PCDHGB2: variants seen among roughly 807,000 people sequenced by gnomAD.
The protein encoded by PCDHGB2 is protocadherin gamma-B2.
A neutral mutation model predicts 59.3 loss-of-function variants in PCDHGB2; 55 were observed. The ratio of observed to expected loss-of-function variants is 0.93; its 90% CI spans 0.75 to 1.16. PCDHGB2 has a LOEUF of 1.16. Ranked by LOEUF, PCDHGB2 falls within the 50% of genes most tolerant of loss-of-function variation. The probability of loss-of-function intolerance (pLI) is 0.00; values close to 1 mark genes in which losing one functional copy is unlikely to be tolerated. For missense variants in PCDHGB2, 1,228 were observed against 1,198.5 expected, an observed-to-expected ratio of 1.02 and a Z score of -0.36; for synonymous variants, 516 against 512.0, an observed-to-expected ratio of 1.01 and a Z score of -0.11.
intron 1 of PCDHGB2, chr5:141,427,842 C>T: frequency 6.5e-7 from 1 of 1,549,268 alleles, no homozygotes. Flanking sequence ...TGCCTTCGAC[C>T]ACGAGCAGCT....
chr5:141,366,885 T>TA (rs1382759169), intron 1 of PCDHGB2: 4 of 1,309,886 alleles, frequency 3.1e-6, no homozygotes, highest in Admixed American at 2.5e-5. Flanking sequence ...TTAATTTTTT[T>TA]TATATAATTC....
At chr5:141,374,071 T>C (rs1443520558) in intron 1 of PCDHGB2, 3 of 1,507,898 alleles carry the variant, frequency 2.0e-6, no homozygotes, top group Non-Finnish European at 2.7e-6. Flanking sequence ...GAGAAGTTCC[T>C]AATAAGCCAG....
chr5:141,438,599 T>C (rs1320902737), intron 1 of PCDHGB2, among the ~76,000 whole-genome samples: 17 of 32,510 alleles, frequency 5.2e-4, no homozygotes, highest in African/African-American at 6.7e-4. Flanking sequence ...TACATATATA[T>C]ATATATATAT....
At chr5:141,420,334 T>A in intron 1 of PCDHGB2, 1 of 1,402,910 alleles carries the variant, frequency 7.1e-7, no homozygotes, top group Non-Finnish European at 9.5e-7. Context: ...TATATTCCAA[T>A]ATAGTGGTAT....
chr5:141,384,812 T>C, intron 1 of PCDHGB2: 1 of 1,613,428 alleles, frequency 6.2e-7, no homozygotes, highest in African/African-American at 1.3e-5. Context: ...AGAGATGCCC[T>C]CAAGCAGAGC....
chr5:141,384,013 C>T, intron 1 of PCDHGB2: 1 of 1,613,758 alleles, frequency 6.2e-7, no homozygotes, highest in Non-Finnish European at 8.5e-7. Context: ...TTTCTACCTA[C>T]AAGACAGAGA....
Position 141,486,697 on chromosome 5 carries a change from C to G in PCDHGB2, c.2422-8110C>G. 1 of 1,614,176 alleles carries G rather than the reference C, an allele frequency of 6.2e-7. No individual in the cohort carries two copies. The highest frequency in any genetic ancestry group is 8.5e-7 in the Non-Finnish European group (1 of 1,180,032). ...GAGATGTATCAGCTTCCTCTTTCATCTCTCTGAACCCCCAGACAGGAGCTG... is the reference window on the plus strand; with the variant it reads ...GAGATGTATCAGCTTCCTCTTTCATGTCTCTGAACCCCCAGACAGGAGCTG... On this transcript the variant is annotated intron_variant, in intron 1 of 3. Coordinates refer to ENST00000522605, the MANE Select transcript of PCDHGB2 (RefSeq NM_018923.3). The surrounding 1 kb of genome is among the most constrained non-coding windows in gnomAD (Gnocchi z 5.0).
intron 1 of PCDHGB2, chr5:141,421,414 C>A (rs2096570568): frequency 1.9e-6 from 3 of 1,614,066 alleles, no homozygotes; most frequent in South Asian, 2.2e-5. Flanking sequence ...GCTGGCGAAG[C>A]GCGGAGTCCG....
intron 1 of PCDHGB2, chr5:141,419,897 A>G: frequency 1.2e-6 from 2 of 1,613,960 alleles, no homozygotes; most frequent in African/African-American, 2.7e-5. Flanking sequence ...CGACCATCCC[A>G]CACCCTCTGA....
intron 1 of PCDHGB2, chr5:141,390,018 C>A: frequency 2.5e-6 from 4 of 1,614,062 alleles, no homozygotes; most frequent in Non-Finnish European, 3.4e-6. Context: ...CATTGCCTTG[C>A]GCCTGCGACG....
intron 1 of PCDHGB2, chr5:141,383,403 G>A: frequency 6.2e-7 from 1 of 1,614,000 alleles, no homozygotes; most frequent in Non-Finnish European, 8.5e-7. Flanking sequence ...ACTCCCTCCA[G>A]AGTTACCAGC....
rs755863653 is a variant in PCDHGB2 at position 141,422,228 on chromosome 5, TG to T, written c.2421+59673del. 2.3e-5 allele frequency: 36 copies of T among 1,565,448 alleles called. No individual in the cohort carries two copies. The Middle Eastern group carries it at 8.6e-4, about 37-fold the overall frequency. ...GGAGGTCTCTTTACCACCACGACGA[TG>T]TTGATCACTGTTGTGGATGTGAATG... On this transcript the variant is annotated intron_variant, in intron 1 of 3. Transcript: ENST00000522605.
At chr5:141,415,302 G>A in intron 1 of PCDHGB2, 3 of 1,614,212 alleles carry the variant, frequency 1.9e-6, no homozygotes, top group South Asian at 2.2e-5. Context: ...GCGTCTTCCT[G>A]GCCTTCGTCA....
chr5:141,372,265 G>A, intron 1 of PCDHGB2: 1 of 1,613,132 alleles, frequency 6.2e-7, no homozygotes, highest in African/African-American at 1.3e-5. Context: ...CTGCGCACGG[G>A]TGAGGTGCGC....
At chr5:141,424,068 G>T in intron 1 of PCDHGB2, 1 of 993,858 alleles carries the variant, frequency 1.0e-6, no homozygotes. Flanking sequence ...TCACTGATTT[G>T]TAGTTATATT....
intron 1 of PCDHGB2, chr5:141,400,128 G>A: frequency 6.2e-7 from 1 of 1,614,080 alleles, no homozygotes; most frequent in South Asian, 1.1e-5. Flanking sequence ...TGCAGGAGGT[G>A]CTGCCGGATA....
intron 3 of PCDHGB2, among the ~76,000 whole-genome samples, chr5:141,506,484 C>T (rs1489425559): frequency 6.6e-6 from 1 of 150,566 alleles, no homozygotes; most frequent in Non-Finnish European, 1.5e-5. Context: ...GCTTTAGAGG[C>T]AGGCCAATCT....
In PCDHGB2 at chr5:141,431,561, G is replaced by T; in HGVS notation, c.2422-63246G>T. The T allele has an allele frequency of 6.2e-7, 1 of 1,614,146 alleles. No homozygotes were observed. On this transcript the variant is annotated intron_variant, in intron 1 of 3. Transcript: ENST00000522605. This position sits in a 1 kb window ranked among gnomAD's most constrained non-coding sequence, Gnocchi z 4.8. Reference sequence around the variant, plus strand: ...GCAGCTGCTTGTAGTCAACGCTACCGACCCTGACGAAGGAGTCAATGCGGA... The same window carrying T: ...GCAGCTGCTTGTAGTCAACGCTACCTACCCTGACGAAGGAGTCAATGCGGA...
In PCDHGB2 at chr5:141,439,231, T is replaced by C. The variant is rs545867747; in HGVS notation, c.2422-55576T>C. 2.0e-5 allele frequency among the ~76,000 whole-genome samples: 3 copies of C among 151,650 alleles called. No individual in the cohort carries two copies. In the East Asian group the frequency reaches 5.8e-4, roughly 29 times the overall value. On this transcript the variant is annotated intron_variant, in intron 1 of 3. Coordinates refer to ENST00000522605, the MANE Select transcript of PCDHGB2 (RefSeq NM_018923.3). ...TCCATATGTGAAAATTCTTAGAAGC[T>C]TCCTATACAATTTCAGCTGAAGATT...
Sources: allele counts gnomAD v4.1 joint callset (sites outside exome capture counted in the v4.1 genomes callset), GRCh38; gene constraint gnomAD v4.1.1; non-coding constraint Gnocchi (gnomAD v3.1); transcripts MANE v1.5; gene names NCBI Gene and HGNC (gene_info 2026-07-23, HGNC 2026-07-21).